Variants in DHX37 observed in about 807,000 individuals in gnomAD.
DHX37 encodes DEAH-box helicase 37.
In DHX37, 52 loss-of-function variants were observed where a neutral mutation model predicts 134.3. The ratio of observed to expected loss-of-function variants is 0.39; its 90% CI spans 0.31 to 0.49. DHX37 has a LOEUF of 0.49. DHX37 is among the 20% of genes least tolerant of loss of function. The probability of loss-of-function intolerance (pLI) is 0.93; values close to 1 mark genes in which losing one functional copy is unlikely to be tolerated. For synonymous variants in DHX37, 634 were observed against 670.7 expected, an observed-to-expected ratio of 0.95 and a Z score of 0.85; for missense variants, 1,344 against 1,580.8, an observed-to-expected ratio of 0.85 and a Z score of 2.54.
At chr12:124,964,728 C>T (rs547712089) in intron 14 of DHX37, 102 bp from the exon 15 acceptor site, 108 of 1,531,776 alleles carry the variant, frequency 7.1e-5, no homozygotes, top group Non-Finnish European at 8.9e-5. Context: ...GTGCTGGAGA[C>T]GTAGCAAGGA....
chr12:124,965,656 C>T lies in DHX37; in HGVS notation c.1735+12G>A. 6.3e-7 allele frequency: 1 copy of T among 1,595,326 alleles called. No individual in the cohort carries two copies. The highest frequency in any genetic ancestry group is 8.6e-7 in the Non-Finnish European group (1 of 1,169,208). ...TAATGAACATGAGCAGGAATCGGTGCTCGGGCCACACCTCCATCTTGCCCG... is the reference window on the plus strand; with the variant it reads ...TAATGAACATGAGCAGGAATCGGTGTTCGGGCCACACCTCCATCTTGCCCG... On this transcript the variant is annotated intron_variant, in intron 13 of 26. Transcript: ENST00000308736.
chr12:124,964,295 T>C (rs1341158275), intron 15 of DHX37, 99 bp downstream of exon 15: 4 of 1,549,282 alleles, frequency 2.6e-6, no homozygotes, highest in Non-Finnish European at 3.5e-6. Context: ...ACACGGAACA[T>C]ACTACAGATG....
At chr12:124,954,641 G>A (rs771118472) in intron 18 of DHX37, among the ~76,000 whole-genome samples, 4 of 152,008 alleles carry the variant, frequency 2.6e-5, no homozygotes, top group Non-Finnish European at 4.4e-5. Flanking sequence ...TTCGTGATCC[G>A]CCCGTCTCGG....
At chr12:124,977,277 C>T (rs571717518) in intron 5 of DHX37, 65 bp downstream of exon 5, 70 of 1,455,432 alleles carry the variant, frequency 4.8e-5, no homozygotes, top group African/African-American at 2.9e-4. Flanking sequence ...AGGCTCTTAT[C>T]GACCTTTCAG....
intron 2 of DHX37, among the ~76,000 whole-genome samples, chr12:124,984,161 T>C (rs1462576212): frequency 6.6e-6 from 1 of 152,120 alleles, no homozygotes; most frequent in African/African-American, 2.4e-5. Context: ...CGCGCAAAAC[T>C]GTTCCGGATG....
At chr12:124,971,235 C>T (rs1020631583) in intron 8 of DHX37, 67 bp downstream of exon 8, 69 of 1,565,528 alleles carry the variant, frequency 4.4e-5, no homozygotes, top group Admixed American at 2.6e-4. Context: ...GAAGGAAGCC[C>T]AAGCCTCTGA....
At chr12:124,951,922 A>C (rs559106325) in intron 21 of DHX37, among the ~76,000 whole-genome samples, 6 of 152,270 alleles carry the variant, frequency 3.9e-5, no homozygotes, top group Admixed American at 3.9e-4. Context: ...CAGTGAGCTG[A>C]GTTCGCACCA....
intron 18 of DHX37, 58 bp downstream of exon 18, chr12:124,956,633 C>G: frequency 1.4e-6 from 2 of 1,479,630 alleles, no homozygotes; most frequent in Non-Finnish European, 1.8e-6. Flanking sequence ...GGACTCTCAG[C>G]CCAGAGCCCC....
chr12:124,974,668 A>T (rs1479423854), intron 6 of DHX37, among the ~76,000 whole-genome samples: 1 of 151,854 alleles, frequency 6.6e-6, no homozygotes, highest in Non-Finnish European at 1.5e-5. Context: ...CATGTTAGAC[A>T]CAGGCCTCTG....
At chr12:124,965,287 ACTC>A (rs550216132) in intron 13 of DHX37, among the ~76,000 whole-genome samples, 129 of 151,564 alleles carry the variant, frequency 8.5e-4, no homozygotes, top group African/African-American at 3.1e-3. Flanking sequence ...GCCTGACTCC[ACTC>A]CTCGTGTCCT....
Position 124,986,137 on chromosome 12 carries a change from C to T in DHX37, c.235G>A (p.Val79Met). 2 of 1,614,204 alleles carry T rather than the reference C, an allele frequency of 1.2e-6. No individual in the cohort carries two copies. Among genetic ancestry groups the T allele is most frequent in the Non-Finnish European group, 1.7e-6 (2 of 1,180,036 alleles). The change falls in exon 2 of 27, where the codon GTG (valine) becomes ATG (methionine). Residue 79 changes from valine to methionine, a missense_variant. Transcript: ENST00000308736. ...KKPLTKKEKKVLQKILEQKEK... is the reference protein window; with the variant it reads ...KKPLTKKEKKMLQKILEQKEK... ...TTCTGTTCTAAGATTTTCTGCAGCA[C>T]TTTCTTCTCCTTCTTGGTCAGAGGC...
At chr12:124,961,046 T>C (rs1427076161) in intron 15 of DHX37, among the ~76,000 whole-genome samples, 2 of 150,776 alleles carry the variant, frequency 1.3e-5, no homozygotes, top group Non-Finnish European at 3.0e-5. Context: ...TACTTCTTAC[T>C]GGTTTTCTTT....
chr12:124,962,814 G>A (rs1954293797), intron 15 of DHX37, among the ~76,000 whole-genome samples: 1 of 152,066 alleles, frequency 6.6e-6, no homozygotes, highest in Non-Finnish European at 1.5e-5. Context: ...TCCAGCCTGG[G>A]TGACATAGCG....
intron 15 of DHX37, among the ~76,000 whole-genome samples, chr12:124,961,361 G>A (rs1168881068): frequency 4.0e-5 from 6 of 151,838 alleles, no homozygotes; most frequent in Admixed American, 3.9e-4. Flanking sequence ...TACAGCACAC[G>A]GATTAGGAGA....
intron 2 of DHX37, among the ~76,000 whole-genome samples, chr12:124,982,965 C>A (rs77305146): frequency 6.6e-6 from 1 of 152,200 alleles, no homozygotes; most frequent in South Asian, 2.1e-4. Context: ...AGGAAGGAGG[C>A]GGCTTTGTGT....
intron 4 of DHX37, among the ~76,000 whole-genome samples, chr12:124,978,379 G>T (rs1232852723): frequency 6.6e-6 from 1 of 151,058 alleles, no homozygotes. Flanking sequence ...GTGCAATAGT[G>T]TGATCTTGGC....
chr12:124,982,050 G>A (rs1306515905), intron 3 of DHX37, among the ~76,000 whole-genome samples: 1 of 151,576 alleles, frequency 6.6e-6, no homozygotes, highest in East Asian at 1.9e-4. Context: ...TTGAACCTGG[G>A]AGGTGGAGGT....
At chr12:124,958,910 CTTTT>C (rs35528941) in intron 16 of DHX37, among the ~76,000 whole-genome samples, 1 of 122,458 alleles carries the variant, frequency 8.2e-6, no homozygotes. Context: ...ATGCACCCAG[CTTTT>C]TTTTTTTTTT....
At chr12:124,972,670 G>C in intron 6 of DHX37, 71 bp from the exon 7 acceptor site, 1 of 1,497,244 alleles carries the variant, frequency 6.7e-7, no homozygotes, top group Admixed American at 1.7e-5. Context: ...GCCACTACAA[G>C]GCAGGCCGTG....
Sources: allele counts gnomAD v4.1 joint callset (sites outside exome capture counted in the v4.1 genomes callset), GRCh38; gene constraint gnomAD v4.1.1; transcripts MANE v1.5; gene names NCBI Gene and HGNC (gene_info 2026-07-23, HGNC 2026-07-21).